Variants in CYFIP1 observed in about 807,000 individuals in gnomAD.
CYFIP1 encodes cytoplasmic FMR1-interacting protein 1.
A neutral mutation model predicts 163.5 loss-of-function variants in CYFIP1; 58 were observed. The ratio of observed to expected loss-of-function variants is 0.35; its 90% CI spans 0.29 to 0.44. CYFIP1 has a LOEUF of 0.44. CYFIP1 is among the 20% of genes least tolerant of loss of function. The probability of loss-of-function intolerance (pLI) is 1.00; values close to 1 mark genes in which losing one functional copy is unlikely to be tolerated. For synonymous variants in CYFIP1, 663 were observed against 660.7 expected, an observed-to-expected ratio of 1.00 and a Z score of -0.05; for missense variants, 1,338 against 1,653.8, an observed-to-expected ratio of 0.81 and a Z score of 3.31.
At chr15:22,882,575 T>C (rs891329687) in intron 24 of CYFIP1, among the ~76,000 whole-genome samples, 1 of 152,192 alleles carries the variant, frequency 6.6e-6, no homozygotes. Flanking sequence ...GAGGCCAAGA[T>C]GGGCAGATCT....
intron 29 of CYFIP1, 80 bp downstream of exon 29, chr15:22,873,411 T>G: frequency 8.3e-7 from 1 of 1,200,004 alleles, no homozygotes; most frequent in Non-Finnish European, 1.2e-6. Flanking sequence ...GGCTGGCTGC[T>G]TGTTAGCCTA....
intron 1 of CYFIP1, among the ~76,000 whole-genome samples, chr15:22,971,361 A>G (rs1003894475): frequency 6.6e-6 from 1 of 152,144 alleles, no homozygotes; most frequent in Non-Finnish European, 1.5e-5. Flanking sequence ...CAACACAGCT[A>G]GACCTTGTCT....
At chr15:22,896,253 C>A (rs1267372149) in intron 22 of CYFIP1, among the ~76,000 whole-genome samples, 1 of 152,146 alleles carries the variant, frequency 6.6e-6, no homozygotes, top group Non-Finnish European at 1.5e-5. Flanking sequence ...CTCGGGTACA[C>A]TGAGGTTCAG....
At chr15:22,921,128 G>A (rs2061161812) in intron 13 of CYFIP1, among the ~76,000 whole-genome samples, 1 of 152,152 alleles carries the variant, frequency 6.6e-6, no homozygotes. Context: ...CCAGTATTTT[G>A]GGAGGCCGAG....
At chr15:22,974,361 C>T (rs1331459403) in intron 1 of CYFIP1, among the ~76,000 whole-genome samples, 1 of 152,062 alleles carries the variant, frequency 6.6e-6, no homozygotes, top group Non-Finnish European at 1.5e-5. Context: ...AGGATTGCTC[C>T]AGCCCAGAAG....
chr15:22,969,618 G>C (rs1232547714), intron 1 of CYFIP1, among the ~76,000 whole-genome samples: 1 of 152,098 alleles, frequency 6.6e-6, no homozygotes, highest in African/African-American at 2.4e-5. Context: ...AAGACATAAA[G>C]AGAACAAATA....
At position 22,901,118 on chromosome 15, in the gene CYFIP1, G is replaced by A. The variant is rs544374513; in HGVS notation, c.2588+2588C>T. Among the ~76,000 whole-genome samples, 50 of 151,590 alleles carry A rather than the reference G, an allele frequency of 3.3e-4. 3 individuals are homozygous for A. In the South Asian group the frequency reaches 9.0e-3, roughly 27 times the overall value. On this transcript the variant is annotated intron_variant, in intron 22 of 30. Coordinates refer to ENST00000617928, the MANE Select transcript of CYFIP1 (RefSeq NM_014608.6). ...CTCCGGAGGCTGAGGCAGGAGAATC[G>A]CTTGAACTCGGAAGGCAGAGGCTGC...
In CYFIP1 at chr15:22,916,362, G is replaced by C. The variant is rs558318756; in HGVS notation, c.1828+115C>G. The C allele has an allele frequency of 4.4e-5, 34 of 780,560 alleles. 1 individual carries two copies. The highest frequency in any genetic ancestry group is 6.7e-5 in the Non-Finnish European group (32 of 476,674). The allele number at this position is 780,560 out of a possible 1,614,324, so 48.4% of individuals were successfully genotyped here. ...GCCACAGAGGGCAGGACGAGTCACC[G>C]TCTGGGTGCACCAAGGGACGGGGTA... On this transcript the variant is annotated intron_variant, in intron 16 of 30. Coordinates refer to ENST00000617928, the MANE Select transcript of CYFIP1 (RefSeq NM_014608.6).
At chr15:22,973,742 A>G (rs2063177416) in intron 1 of CYFIP1, among the ~76,000 whole-genome samples, 1 of 152,244 alleles carries the variant, frequency 6.6e-6, no homozygotes, top group Non-Finnish European at 1.5e-5. Flanking sequence ...TGTTCTGCAC[A>G]GCAAAGGAAT....
intron 15 of CYFIP1, chr15:22,916,992 G>A: frequency 6.4e-7 from 1 of 1,551,280 alleles, no homozygotes; most frequent in South Asian, 1.2e-5. Flanking sequence ...CAGCTCGGCA[G>A]AGCCCAAGGA....
rs2059255563 is a variant in CYFIP1, at chr15:22,868,022, T to TGTTC, written c.*2002_*2005dup. Reference sequence around the variant, plus strand: ...TTCCACCTAGGTGATGGGAAGAAAGTGTTCGCCTGTTCCAGCCTGTGGCTC... The same window carrying TGTTC: ...TTCCACCTAGGTGATGGGAAGAAAGTGTTCGTTCGCCTGTTCCAGCCTGTGGCTC... On this transcript the variant is annotated 3_prime_UTR_variant, in exon 31 of 31. Transcript: ENST00000617928. 6.6e-6 allele frequency: 1 copy of TGTTC among 152,198 alleles called. No homozygotes were observed. The highest frequency in any genetic ancestry group is 2.1e-4 in the South Asian group (1 of 4,820). The allele number at this position is 152,198 out of a possible 1,614,324, so 9.4% of individuals were successfully genotyped here.
At chr15:22,884,514 C>T (rs562388108) in intron 23 of CYFIP1, among the ~76,000 whole-genome samples, 1 of 152,316 alleles carries the variant, frequency 6.6e-6, no homozygotes, top group African/African-American at 2.4e-5. Context: ...TGTGGGCTCC[C>T]ACAGTCTTGG....
At chr15:22,910,214 G>A (rs1015273356) in intron 20 of CYFIP1, among the ~76,000 whole-genome samples, 1 of 151,870 alleles carries the variant, frequency 6.6e-6, no homozygotes, top group African/African-American at 2.4e-5. Flanking sequence ...AGGCTGGAGT[G>A]CAGTGGTGCA....
chr15:22,902,615 G>A (rs2060431904), intron 22 of CYFIP1, among the ~76,000 whole-genome samples: 1 of 152,240 alleles, frequency 6.6e-6, no homozygotes, highest in South Asian at 2.1e-4. Flanking sequence ...ATAAAGGTGA[G>A]TTAAACAGAG....
intron 13 of CYFIP1, among the ~76,000 whole-genome samples, chr15:22,925,315 C>T (rs1194978576): frequency 6.6e-6 from 1 of 152,168 alleles, no homozygotes. Flanking sequence ...TAGATGACTA[C>T]AAAGCTACAG....
At position 22,912,249 on chromosome 15, in the gene CYFIP1, T is replaced by C; in HGVS notation, c.2012A>G (p.Tyr671Cys). 1 of 1,613,996 alleles carries C rather than the reference T, an allele frequency of 6.2e-7. No individual in the cohort carries two copies. Among genetic ancestry groups the C allele is most frequent in the East Asian group, 2.2e-5 (1 of 44,866 alleles). Residue 671 changes from tyrosine (Y) to cysteine (C), a missense_variant, in exon 18 of 31, where the codon TAC becomes TGC. This residue lies in a region of CYFIP1 where 824 missense variants were observed against 995.7 expected (regional missense o/e 0.83). Transcript: ENST00000617928. ...GAGCGCGTAGTGGGCGCTGTCATTG[T>C]ACAGGTCCAGGGAGTAGAGCACGTA... is the stretch of plus-strand genomic sequence containing the variant. ...MEYVLYSLDLYNDSAHYALTR... is the reference protein window; with the variant it reads ...MEYVLYSLDLCNDSAHYALTR...
chr15:22,960,469 G>A (rs971101805), intron 1 of CYFIP1, among the ~76,000 whole-genome samples: 1 of 152,202 alleles, frequency 6.6e-6, no homozygotes, highest in Non-Finnish European at 1.5e-5. Context: ...ACTGTGAACC[G>A]AGCAGGGACC....
chr15:22,979,032 T>C (rs2063375896), intron 1 of CYFIP1, among the ~76,000 whole-genome samples: 1 of 151,910 alleles, frequency 6.6e-6, no homozygotes, highest in Non-Finnish European at 1.5e-5. Context: ...ACTTAGGGGG[T>C]ACATTTTCTT....
intron 23 of CYFIP1, among the ~76,000 whole-genome samples, chr15:22,883,537 G>A (rs1441358166): frequency 6.6e-6 from 1 of 152,158 alleles, no homozygotes; most frequent in African/African-American, 2.4e-5. Context: ...GCAGGTTTAG[G>A]CCAGGCGCGG....
Sources: allele counts gnomAD v4.1 joint callset (sites outside exome capture counted in the v4.1 genomes callset), GRCh38; gene constraint gnomAD v4.1.1; regional missense constraint gnomAD v4.1.1; transcripts MANE v1.5; gene names NCBI Gene and HGNC (gene_info 2026-07-23, HGNC 2026-07-21).